Variants in MAP4K5 observed in about 807,000 individuals in gnomAD.
The protein encoded by MAP4K5 is mitogen-activated protein kinase kinase kinase kinase 5, also known as MAPK/ERK kinase kinase kinase 5.
Under a neutral mutation model 135.6 loss-of-function variants are expected in MAP4K5, and 82 were observed. The observed-to-expected ratio is 0.60, with a 90% CI of 0.51 to 0.73. The LOEUF (loss-of-function observed/expected upper bound fraction) is 0.73. MAP4K5 is among the 30% of genes least tolerant of loss of function. The pLI, the probability that MAP4K5 is intolerant of heterozygous loss-of-function variation, is 0.00. For missense variants in MAP4K5, 907 were observed against 1,010.9 expected (o/e 0.90, Z 1.39); for synonymous variants, 347 against 335.0 (o/e 1.04, Z -0.39).
intron 1 of MAP4K5, among the ~76,000 whole-genome samples, chr14:50,543,182 A>G (rs543955820): frequency 6.6e-6 from 1 of 152,366 alleles, no homozygotes; most frequent in Non-Finnish European, 1.5e-5. Flanking sequence ...GTAAGCTAAC[A>G]TTAGATTCAA....
intron 12 of MAP4K5, among the ~76,000 whole-genome samples, chr14:50,463,812 G>T (rs903588929): frequency 6.8e-6 from 1 of 146,702 alleles, no homozygotes; most frequent in East Asian, 2.0e-4. Context: ...TTGATCCCAG[G>T]GGGTGGGGGT....
intron 13 of MAP4K5, chr14:50,456,802 AAGAC>A (rs982642398): frequency 6.8e-6 from 3 of 442,570 alleles, no homozygotes; most frequent in Non-Finnish European, 1.2e-5. Context: ...AAGAGATTCA[AAGAC>A]AGACACAAAT....
Position 50,419,290 on chromosome 14 carries a change from T to C in MAP4K5, c.*729A>G, listed in dbSNP as rs2035671434. 1 of 152,178 alleles carries C rather than the reference T, an allele frequency of 6.6e-6. No individual in the cohort carries two copies. The highest frequency in any genetic ancestry group is 2.4e-5 in the African/African-American group (1 of 41,458). 9.4% of individuals were successfully genotyped at this position (152,178 alleles called of 1,614,324 possible). A position where few individuals can be genotyped will look rare whatever the true frequency, so the allele number is the denominator to read the frequency against. On this transcript the variant is annotated 3_prime_UTR_variant, in exon 33 of 33. Transcript: ENST00000682126. ...TTTCAACTATCATCAATATCTTCTGTATGATCCCTTACAACTATCTGTAGT... is the reference window on the plus strand; with the variant it reads ...TTTCAACTATCATCAATATCTTCTGCATGATCCCTTACAACTATCTGTAGT...
intron 4 of MAP4K5, 26 bp from the exon 5 acceptor site, chr14:50,485,668 T>C (rs1244825926): frequency 2.2e-6 from 3 of 1,353,572 alleles, no homozygotes; most frequent in East Asian, 2.5e-5. Context: ...AAGAAAATTA[T>C]ATTAGCTAGT....
At chr14:50,558,821 T>C (rs768017246) in intron 1 of MAP4K5, among the ~76,000 whole-genome samples, 5 of 152,250 alleles carry the variant, frequency 3.3e-5, no homozygotes, top group Admixed American at 1.3e-4. Context: ...AGATAATGTC[T>C]GTCTTCCTAT....
chr14:50,531,980 G>A lies in MAP4K5; in HGVS notation c.70C>T (p.Gln24Ter). 1 of 1,604,522 alleles carries A rather than the reference G, an allele frequency of 6.2e-7. No homozygotes were observed. The highest frequency in any genetic ancestry group is 8.5e-7 in the Non-Finnish European group (1 of 1,175,896). ...CCGTAGGTGCCGCTGCCGACCCTCT[G>A]GACGAGTTCGTAGTCCTGCTGCGGG... Reference protein sequence around the residue: ...RNPQQDYELVQRVGSGTYGDV... With the variant: ...RNPQQDYELV The change falls in exon 2 of 33, where the codon CAG becomes TAG. Residue 24 changes from glutamine to a stop codon, truncating the protein, a stop_gained. Transcript: ENST00000682126. LOFTEE classifies it high-confidence loss of function.
intron 3 of MAP4K5, among the ~76,000 whole-genome samples, chr14:50,503,143 T>C (rs562051375): frequency 1.3e-4 from 19 of 150,840 alleles, no homozygotes; most frequent in African/African-American, 3.9e-4. Context: ...GTGGGAAGTG[T>C]AAAATACATG....
At chr14:50,448,714 C>A in intron 15 of MAP4K5, 60 bp downstream of exon 15, 4 of 995,076 alleles carry the variant, frequency 4.0e-6, no homozygotes, top group South Asian at 3.1e-5. Flanking sequence ...GTACAACTAA[C>A]AAAAAAAAAG....
chr14:50,505,960 C>T (rs1057384292), intron 2 of MAP4K5, among the ~76,000 whole-genome samples: 4 of 152,080 alleles, frequency 2.6e-5, no homozygotes, highest in African/African-American at 9.7e-5. Context: ...AGTCTAAAAA[C>T]ATTTTACCAC....
At chr14:50,495,474 T>C (rs530651988) in intron 3 of MAP4K5, among the ~76,000 whole-genome samples, 1 of 152,206 alleles carries the variant, frequency 6.6e-6, no homozygotes, top group Non-Finnish European at 1.5e-5. Flanking sequence ...GTTACTGACA[T>C]TGCAAACTGG....
rs143703910 is a variant in MAP4K5, at chr14:50,433,357, T to A, written c.2164+1037A>T. Among the ~76,000 whole-genome samples, 309 of 152,282 alleles carry A rather than the reference T, an allele frequency of 2.0e-3. 2 individuals carry two copies. Among genetic ancestry groups the A allele is most frequent in the Non-Finnish European group, 3.7e-3 (254 of 68,016 alleles). ...AGACCAGTGCATGCTGGAGCTGGCT[T>A]GTACTGAGTTAAACTTTCAGGAATT... is the stretch of plus-strand genomic sequence containing the variant. On this transcript the variant is annotated intron_variant, in intron 28 of 32. Coordinates refer to ENST00000682126, the MANE Select transcript of MAP4K5 (RefSeq NM_006575.6).
chr14:50,526,218 T>C (rs7160618), intron 2 of MAP4K5, among the ~76,000 whole-genome samples: 129,465 of 152,240 alleles, frequency 0.85, 56,650 homozygotes, highest in Non-Finnish European at 0.94. Flanking sequence ...TCATCCCCAA[T>C]AAAGGCAGAG....
chr14:50,520,323 A>AC (rs912414267), intron 2 of MAP4K5, among the ~76,000 whole-genome samples: 4 of 152,150 alleles, frequency 2.6e-5, no homozygotes, highest in African/African-American at 9.7e-5. Context: ...ACATGGTGAA[A>AC]CCCCATCTCT....
chr14:50,504,593 C>T (rs1472027906), intron 3 of MAP4K5, among the ~76,000 whole-genome samples: 2 of 152,036 alleles, frequency 1.3e-5, no homozygotes, highest in African/African-American at 2.4e-5. Context: ...ATGTGTCTTC[C>T]AATTCTGAAT....
chr14:50,495,359 C>T lies in MAP4K5; in HGVS notation c.167-9165G>A, dbSNP rs184600771. The stretch of plus-strand genomic sequence containing the variant: ...TTAATCAGAGAAACTCAAATAAAAC[C>T]ACAATGAGATATCACTTCACATCCA... On this transcript the variant is annotated intron_variant, in intron 3 of 32. Coordinates refer to ENST00000682126, the MANE Select transcript of MAP4K5 (RefSeq NM_006575.6). Among the ~76,000 whole-genome samples, 21 of 152,060 alleles carry T rather than the reference C, an allele frequency of 1.4e-4. No individual in the cohort carries two copies. In the East Asian group the frequency reaches 3.9e-3, roughly 28 times the overall value.
chr14:50,435,042 T>C lies in MAP4K5; in HGVS notation c.1906A>G (p.Lys636Glu), dbSNP rs2036058430. ...GACTGTAAAGCTCCACAGAGGTATT[T>C]ATGTCCCGTGTAAGGGTTTCTGACT... ...CIVRNPYTGH[K>E]YLCGALQSGI... The change falls in exon 27 of 33, where the codon AAA (lysine) becomes GAA (glutamate). Residue 636 changes from lysine to glutamate, a missense_variant. Physicochemically the swap from Lys to Glu is moderately conservative, Grantham distance 56. Around this residue, in one of 3 missense-constraint regions of MAP4K5, gnomAD observed 690 missense variants for 777.4 expected, o/e 0.89. Transcript: ENST00000682126. The C allele has an allele frequency of 6.2e-7, 1 of 1,609,728 alleles. No homozygotes were observed. Among genetic ancestry groups the C allele is most frequent in the Non-Finnish European group, 8.5e-7 (1 of 1,177,038 alleles).
intron 13 of MAP4K5, among the ~76,000 whole-genome samples, chr14:50,458,176 A>G (rs2036632004): frequency 6.6e-6 from 1 of 152,028 alleles, no homozygotes; most frequent in Admixed American, 6.6e-5. Flanking sequence ...CTCACCACTT[A>G]CTTCACAGAG....
At chr14:50,531,020 G>C (rs1013132028) in intron 2 of MAP4K5, among the ~76,000 whole-genome samples, 1 of 152,330 alleles carries the variant, frequency 6.6e-6, no homozygotes. Flanking sequence ...TATATATCAT[G>C]ATCAAATCCA....
chr14:50,420,067 A>C lies in MAP4K5; in HGVS notation c.2493T>G (p.Thr831=), dbSNP rs758537058. 6.2e-7 allele frequency: 1 copy of C among 1,611,172 alleles called. No homozygotes were observed. The highest frequency in any genetic ancestry group is 1.1e-5 in the South Asian group (1 of 90,196). ...CCAAGATGTAGAGATTGCTGTGTGC[A>C]GTAGGATTTTCTGTTGGCCTACTTT... The part of the protein sequence containing the change: ...VLESRPTENP[T]AHSNLYILAG... The change falls in exon 33 of 33, where the codon ACT becomes ACG. Residue 831 remains threonine, a synonymous_variant. Coordinates refer to ENST00000682126, the MANE Select transcript of MAP4K5 (RefSeq NM_006575.6).
Sources: gnomAD v4.1 joint callset for allele counts (sites outside exome capture counted in the v4.1 genomes callset) on GRCh38, gnomAD v4.1.1 for gene constraint, gnomAD v4.1.1 regional missense constraint, MANE v1.5 for transcripts, NCBI Gene and HGNC (gene_info 2026-07-23, HGNC 2026-07-21) for gene names.